Variants in ACAN observed in about 807,000 individuals in gnomAD.
The protein encoded by ACAN is aggrecan core protein.
In ACAN, 47 loss-of-function variants were observed where a neutral mutation model predicts 169.1. That is an observed-to-expected ratio of 0.28 (90% CI 0.22 to 0.35). ACAN has a LOEUF of 0.35. Among genes scored for constraint, ACAN ranks in the 10% least tolerant of loss-of-function variants. The pLI is 1.00. For missense variants in ACAN, 2,716 were observed against 2,759.9 expected, an observed-to-expected ratio of 0.98 and a Z score of 0.36; for synonymous variants, 1,115 against 1,112.2, an observed-to-expected ratio of 1.00 and a Z score of -0.05.
At chr15:88,805,446 G>T (rs1895654698) in intron 1 of ACAN, among the ~76,000 whole-genome samples, 1 of 152,236 alleles carries the variant, frequency 6.6e-6, no homozygotes, top group Admixed American at 6.5e-5. Flanking sequence ...TCCAAAGGAA[G>T]AAGATATCTC....
At chr15:88,826,423 A>T (rs1467797601) in intron 1 of ACAN, among the ~76,000 whole-genome samples, 2 of 136,290 alleles carry the variant, frequency 1.5e-5, no homozygotes, top group Non-Finnish European at 3.1e-5. Flanking sequence ...CCTGAAGGAC[A>T]CTGTGGAAGA....
chr15:88,845,588 G>T lies in ACAN; in HGVS notation c.1135G>T (p.Asp379Tyr). ...DITVQTVTWP[D>Y]MELPLPRNIT... ...CACCGTCCAGACAGTGACCTGGCCT[G>T]ACATGGAGCTGCCACTGCCTCGAAA... Residue 379 changes from aspartate to tyrosine, a missense_variant, in exon 7 of 19, where the codon GAC becomes TAC. Coordinates refer to ENST00000560601, the MANE Select transcript of ACAN (RefSeq NM_001369268.1). 1.2e-6 allele frequency: 2 copies of T among 1,614,046 alleles called. No homozygotes were observed.
rs759812417 is a variant in ACAN at position 88,871,459 on chromosome 15, G to A, written c.7138G>A (p.Val2380Met). ...CCACTTCCCGGACCGCGAGACCTGG[G>A]TGGATGCTGAGCGCCGGTGTCGGGA... ...YRHFPDRETW[V>M]DAERRCREQQ... is the part of the protein sequence containing the mutation. The change falls in exon 15 of 19, where the codon GTG (valine) becomes ATG (methionine). Residue 2380 changes from valine to methionine, a missense_variant. This residue lies in a region of ACAN where 1,389 missense variants were observed against 1,363.7 expected (regional missense o/e 1.02). Transcript: ENST00000560601. The surrounding 1 kb of genome is among the most constrained non-coding windows in gnomAD (Gnocchi z 7.8). 3.1e-6 allele frequency: 5 copies of A among 1,613,966 alleles called. No homozygotes were observed. The South Asian group carries it at 5.5e-5, about 18-fold the overall frequency.
intron 1 of ACAN, among the ~76,000 whole-genome samples, chr15:88,811,441 A>G (rs1042038482): frequency 2.6e-5 from 4 of 152,244 alleles, no homozygotes; most frequent in East Asian, 3.9e-4. Context: ...CTAAATCTCA[A>G]ATGAACTCAC....
rs1433114223 is a variant in ACAN, at chr15:88,814,649, C to T, written c.-8+10840C>T. Among the ~76,000 whole-genome samples the T allele has an allele frequency of 6.6e-6, 1 of 152,220 alleles. No individual in the cohort carries two copies. The highest frequency in any genetic ancestry group is 1.5e-5 in the Non-Finnish European group (1 of 68,036). On this transcript the variant is annotated intron_variant, in intron 1 of 18. Coordinates refer to ENST00000560601, the MANE Select transcript of ACAN (RefSeq NM_001369268.1). The surrounding 1 kb of genome is among the most constrained non-coding windows in gnomAD (Gnocchi z 4.0). ...ATTGTGGTCCATGGGAATAGCGACT[C>T]CTCGAGTTGTGCCAGTGTGCAGCCT...
Position 88,858,194 on chromosome 15 carries a change from G to A in ACAN, c.5609G>A (p.Gly1870Glu). The change falls in exon 12 of 19, where the codon GGG becomes GAG. Residue 1870 changes from glycine (G) to glutamate (E), a missense_variant. By Grantham distance (98) the Gly-to-Glu change is moderately conservative (BLOSUM62 -2). Coordinates refer to ENST00000560601, the MANE Select transcript of ACAN (RefSeq NM_001369268.1). The surrounding 1 kb of genome is among the most constrained non-coding windows in gnomAD (Gnocchi z 4.0). ...SGEADLSGKS[G>E]MVDVSGQFSG... ...GAGGCAGATCTGTCAGGCAAATCTG[G>A]GATGGTGGATGTCAGTGGACAGTTT... is the stretch of plus-strand genomic sequence containing the variant. The A allele has an allele frequency of 6.2e-7, 1 of 1,613,960 alleles. No individual in the cohort carries two copies. The highest frequency in any genetic ancestry group is 1.1e-5 in the South Asian group (1 of 91,084).
rs778833544 is a variant in ACAN, at chr15:88,857,358, T to C, written c.4773T>C (p.Ser1591=). ...CTGAGGACCTCAGTGGGTTGCCTTCTGGAAAAGAAGACTTGGTGGGGTCAG... is the reference window on the plus strand; with the variant it reads ...CTGAGGACCTCAGTGGGTTGCCTTCCGGAAAAGAAGACTTGGTGGGGTCAG... ...SGAEDLSGLP[S]GKEDLVGSAS... The change falls in exon 12 of 19, where the codon TCT becomes TCC. Residue 1591 remains serine, a synonymous_variant. Transcript: ENST00000560601. The C allele has an allele frequency of 5.0e-6, 8 of 1,613,948 alleles. No individual in the cohort carries two copies. Among genetic ancestry groups the C allele is most frequent in the Non-Finnish European group, 6.8e-6 (8 of 1,179,898 alleles).
chr15:88,810,744 C>T (rs567786453), intron 1 of ACAN, among the ~76,000 whole-genome samples: 6 of 152,256 alleles, frequency 3.9e-5, no homozygotes, highest in African/African-American at 7.2e-5. Context: ...TTCAAAAATA[C>T]GGGTGGCTGA....
rs370217216 is a variant in ACAN, at chr15:88,840,189, G to A, written c.629+3G>A. 5 of 1,591,244 alleles carry A rather than the reference G, an allele frequency of 3.1e-6. No homozygotes were observed. The highest frequency in any genetic ancestry group is 4.3e-6 in the Non-Finnish European group (5 of 1,171,430). ...TGGCTGGCTGACCAGACTGTCAGGT[G>A]AGCCCTAGCCCATCAGCTAGTGGGG... is the stretch of plus-strand genomic sequence containing the variant. On this transcript the variant is annotated splice_donor_region_variant and intron_variant, in intron 4 of 18. Coordinates refer to ENST00000560601, the MANE Select transcript of ACAN (RefSeq NM_001369268.1).
intron 1 of ACAN, among the ~76,000 whole-genome samples, chr15:88,808,345 T>C (rs1211576562): frequency 6.6e-6 from 1 of 152,252 alleles, no homozygotes; most frequent in Non-Finnish European, 1.5e-5. Flanking sequence ...CATCACAGAA[T>C]ATGTCGTGTT....
Position 88,838,956 on chromosome 15 carries a change from AG to A in ACAN, c.365del (p.Ser122ThrfsTer14). The A allele has an allele frequency of 6.2e-7, 1 of 1,613,770 alleles. No individual in the cohort carries two copies. The highest frequency in any genetic ancestry group is 8.5e-7 in the Non-Finnish European group (1 of 1,179,904). Reference protein sequence around the residue: ...IPSDATLEVQSLRSNDSGVYR... With the variant: ...IPSDATLEVQXLRSNDSGVYR... ...CAGTGACGCCACCTTGGAAGTCCAGAGCCTGCGCTCCAATGACTCTGGGGTC... is the reference window on the plus strand; with the variant it reads ...CAGTGACGCCACCTTGGAAGTCCAGACCTGCGCTCCAATGACTCTGGGGTC... On this transcript the variant is annotated frameshift_variant, in exon 3 of 19. Coordinates refer to ENST00000560601, the MANE Select transcript of ACAN (RefSeq NM_001369268.1). LOFTEE classifies it high-confidence loss of function. This position sits in a 1 kb window ranked among gnomAD's most constrained non-coding sequence, Gnocchi z 5.1.
intron 1 of ACAN, among the ~76,000 whole-genome samples, chr15:88,806,746 C>G (rs967869097): frequency 6.6e-6 from 1 of 152,112 alleles, no homozygotes; most frequent in African/African-American, 2.4e-5. Flanking sequence ...AAAGGAAGCC[C>G]ATGAGACCCT....
At position 88,868,097 on chromosome 15, in the gene ACAN, C is replaced by A. The variant is rs1897309186; in HGVS notation, c.6947-119C>A. On this transcript the variant is annotated intron_variant, in intron 13 of 18. Coordinates refer to ENST00000560601, the MANE Select transcript of ACAN (RefSeq NM_001369268.1). The surrounding 1 kb of genome is among the most constrained non-coding windows in gnomAD (Gnocchi z 5.2). The stretch of plus-strand genomic sequence containing the variant: ...CAGCAACAGTTCTCAGGAAAACCAG[C>A]CAGTTCCCTCCCAGGGGTCTGGAGA... The A allele has an allele frequency of 1.6e-6, 1 of 620,036 alleles. No homozygotes were observed. Among genetic ancestry groups the A allele is most frequent in the Non-Finnish European group, 2.9e-6 (1 of 346,970 alleles). 38.4% of individuals were successfully genotyped at this position (620,036 alleles called of 1,614,324 possible).
chr15:88,835,885 G>T (rs938612), intron 1 of ACAN, among the ~76,000 whole-genome samples: 88,265 of 151,976 alleles, frequency 0.58, 26,286 homozygotes, highest in Middle Eastern at 0.7. Context: ...ATGTCTGGTT[G>T]CCCCGGCCCA....
In ACAN at chr15:88,836,213, A is replaced by G; in HGVS notation, c.7A>G (p.Thr3Ala). The G allele has an allele frequency of 6.2e-7, 1 of 1,613,636 alleles. No homozygotes were observed. Among genetic ancestry groups the G allele is most frequent in the East Asian group, 2.2e-5 (1 of 44,876 alleles). The change falls in exon 2 of 19, where the codon ACT (threonine) becomes GCT (alanine). Residue 3 changes from threonine (T) to alanine (A), a missense_variant. Around this residue, in one of 3 missense-constraint regions of ACAN, gnomAD observed 1,283 missense variants for 1,281.5 expected, o/e 1.00. Coordinates refer to ENST00000560601, the MANE Select transcript of ACAN (RefSeq NM_001369268.1). MT[T>A]LLWVFVTLRV... Reference sequence around the variant, plus strand: ...CCCCTCTTCCAGGTGAACTATGACCACTTTACTCTGGGTTTTCGTGACTCT... The same window carrying G: ...CCCCTCTTCCAGGTGAACTATGACCGCTTTACTCTGGGTTTTCGTGACTCT...
In ACAN at chr15:88,859,100, C is replaced by T; in HGVS notation, c.6515C>T (p.Thr2172Ile). The T allele has an allele frequency of 1.2e-6, 2 of 1,613,886 alleles. No homozygotes were observed. Among genetic ancestry groups the T allele is most frequent in the Non-Finnish European group, 1.7e-6 (2 of 1,179,904 alleles). Reference protein sequence around the residue: ...SAAPEVSGESTTTSDVGTEAP... With the variant: ...SAAPEVSGESITTSDVGTEAP... ...GCCCCAGAAGTGAGTGGAGAATCCA[C>T]CACCACCAGTGATGTGGGGACAGAG... The change falls in exon 12 of 19, where the codon ACC becomes ATC. Residue 2172 changes from threonine (T) to isoleucine (I), a missense_variant. Thr to Ile is a moderately conservative substitution (Grantham distance 89). This residue lies in a region of ACAN where 1,389 missense variants were observed against 1,363.7 expected (regional missense o/e 1.02). Transcript: ENST00000560601.
chr15:88,820,168 G>C (rs1472135181), intron 1 of ACAN, among the ~76,000 whole-genome samples: 3 of 152,182 alleles, frequency 2.0e-5, no homozygotes, highest in Non-Finnish European at 4.4e-5. Context: ...AAAGGACGTA[G>C]TTGTGATAGG....
At chr15:88,827,729 A>T (rs1446389810) in intron 1 of ACAN, among the ~76,000 whole-genome samples, 1 of 152,228 alleles carries the variant, frequency 6.6e-6, no homozygotes, top group Non-Finnish European at 1.5e-5. Context: ...CCAGCCAGAC[A>T]AACCTTGAGA....
rs919741156 is a variant in ACAN, at chr15:88,875,216, G to A, written c.*735G>A. 3.3e-5 allele frequency: 5 copies of A among 152,766 alleles called. No homozygotes were observed. Among genetic ancestry groups the A allele is most frequent in the Non-Finnish European group, 5.8e-5 (4 of 68,486 alleles). The allele number at this position is 152,766 out of a possible 1,614,324, so 9.5% of individuals were successfully genotyped here. On this transcript the variant is annotated 3_prime_UTR_variant, in exon 19 of 19. Coordinates refer to ENST00000560601, the MANE Select transcript of ACAN (RefSeq NM_001369268.1). The surrounding 1 kb of genome is among the most constrained non-coding windows in gnomAD (Gnocchi z 4.8). Reference sequence around the variant, plus strand: ...CTGCTGGGGGCACTTCCTGCCCAGTGGGGGGTGCCGCCCAACCTTCTCCCC... The same window carrying A: ...CTGCTGGGGGCACTTCCTGCCCAGTAGGGGGTGCCGCCCAACCTTCTCCCC...
Sources: gnomAD v4.1 joint callset for allele counts (sites outside exome capture counted in the v4.1 genomes callset) on GRCh38, gnomAD v4.1.1 for gene constraint, gnomAD v4.1.1 regional missense constraint, Gnocchi (gnomAD v3.1) non-coding constraint, MANE v1.5 for transcripts, NCBI Gene and HGNC (gene_info 2026-07-23, HGNC 2026-07-21) for gene names.